The following PHACTR1 variants were observed in gnomAD, a reference collection of about 807,000 sequenced individuals.
PHACTR1 encodes RPEL repeat containing 1.
PHACTR1 carries 16 observed loss-of-function variants against 69.2 expected under a neutral mutation model. The ratio of observed to expected loss-of-function variants is 0.23; its 90% CI spans 0.16 to 0.35. The LOEUF is 0.35. Among genes scored for constraint, PHACTR1 ranks in the 10% least tolerant of loss-of-function variants. PHACTR1 has a pLI of 1.00. For synonymous variants in PHACTR1, 312 were observed against 284.5 expected (o/e 1.10, Z -0.97); for missense variants, 510 against 734.7 (o/e 0.69, Z 3.54).
chr6:13,134,972 C>T (rs1821319167), intron 5 of PHACTR1, among the ~76,000 whole-genome samples: 1 of 152,132 alleles, frequency 6.6e-6, no homozygotes, highest in Admixed American at 6.5e-5. Context: ...GGCTCTTCGC[C>T]ACTTCACCAT....
chr6:13,283,326 G>A lies in PHACTR1; in HGVS notation c.1510-96G>A. ...TATGCGATGCATCCATCGCCTCACT[G>A]AACCTTATTTTCCACACCTGCAAGT... On this transcript the variant is annotated intron_variant, in intron 12 of 14. Coordinates refer to ENST00000332995, the MANE Select transcript of PHACTR1 (RefSeq NM_030948.6). The surrounding 1 kb of genome is among the most constrained non-coding windows in gnomAD (Gnocchi z 4.7). 5 of 1,441,248 alleles carry A rather than the reference G, an allele frequency of 3.5e-6. No individual in the cohort carries two copies. The highest frequency in any genetic ancestry group is 1.8e-5 in the Admixed American group (1 of 55,478). 89.3% of individuals were successfully genotyped at this position (1,441,248 alleles called of 1,614,324 possible).
intron 4 of PHACTR1, among the ~76,000 whole-genome samples, chr6:12,810,550 T>A (rs1774903948): frequency 6.6e-6 from 1 of 152,182 alleles, no homozygotes; most frequent in Non-Finnish European, 1.5e-5. Flanking sequence ...GACCCCATCC[T>A]GAGACTCCAT....
intron 4 of PHACTR1, among the ~76,000 whole-genome samples, chr6:12,907,960 T>C (rs1298770978): frequency 6.6e-6 from 1 of 152,218 alleles, no homozygotes; most frequent in Non-Finnish European, 1.5e-5. Context: ...TATTTCACAA[T>C]ATAAAAAGAC....
chr6:12,772,782 G>A lies in PHACTR1; in HGVS notation c.250+22992G>A, dbSNP rs114314965. Among the ~76,000 whole-genome samples the A allele has an allele frequency of 9.0e-3, 1,373 of 152,256 alleles. 20 individuals are homozygous for A. Among genetic ancestry groups the A allele is most frequent in the African/African-American group, 0.031 (1,302 of 41,532 alleles). ...ACCACCCTTACCATTGCACTTAAAT[G>A]GAAAGGTCTATGTTAATTTATATTG... is the stretch of plus-strand genomic sequence containing the variant. On this transcript the variant is annotated intron_variant, in intron 4 of 14. Transcript: ENST00000332995.
intron 5 of PHACTR1, among the ~76,000 whole-genome samples, chr6:13,063,859 G>A (rs961868485): frequency 1.3e-5 from 2 of 152,082 alleles, no homozygotes; most frequent in African/African-American, 4.8e-5. Flanking sequence ...CTGAAGACAT[G>A]GACAAGAATC....
At chr6:13,130,360 T>A in intron 5 of PHACTR1, among the ~76,000 whole-genome samples, 1 of 151,430 alleles carries the variant, frequency 6.6e-6, no homozygotes. Flanking sequence ...AAAGGATAAA[T>A]GAAACAAAAA....
intron 4 of PHACTR1, among the ~76,000 whole-genome samples, chr6:12,773,431 C>G (rs1769640939): frequency 6.6e-6 from 1 of 152,150 alleles, no homozygotes; most frequent in African/African-American, 2.4e-5. Flanking sequence ...CATCTAGCCT[C>G]ACCTGATTCA....
chr6:12,950,592 T>G (rs1268877204), intron 4 of PHACTR1, among the ~76,000 whole-genome samples: 1 of 152,216 alleles, frequency 6.6e-6, no homozygotes, highest in East Asian at 1.9e-4. Flanking sequence ...CACCATTTGC[T>G]GGAGAGCTCA....
chr6:12,912,076 C>A (rs1240029581), intron 4 of PHACTR1, among the ~76,000 whole-genome samples: 1 of 151,984 alleles, frequency 6.6e-6, no homozygotes, highest in Non-Finnish European at 1.5e-5. Flanking sequence ...CGGCTCACTG[C>A]AACCTCCGCC....
chr6:13,110,593 G>C (rs1427917024), intron 5 of PHACTR1, among the ~76,000 whole-genome samples: 1 of 152,096 alleles, frequency 6.6e-6, no homozygotes, highest in African/African-American at 2.4e-5. Context: ...CAGTTACCCT[G>C]GTATCCTTGT....
chr6:12,980,043 A>G (rs1795327645), intron 4 of PHACTR1, among the ~76,000 whole-genome samples: 1 of 152,212 alleles, frequency 6.6e-6, no homozygotes, highest in Non-Finnish European at 1.5e-5. Context: ...GTACGTAGAA[A>G]TGTTCAATCT....
chr6:13,286,589 A>G (rs1253520230), intron 14 of PHACTR1, among the ~76,000 whole-genome samples: 1 of 152,254 alleles, frequency 6.6e-6, no homozygotes, highest in Non-Finnish European at 1.5e-5. Context: ...TACCACATCC[A>G]CACGGGACTT....
At chr6:12,913,881 T>C (rs1450772627) in intron 4 of PHACTR1, among the ~76,000 whole-genome samples, 2 of 152,234 alleles carry the variant, frequency 1.3e-5, no homozygotes, top group Non-Finnish European at 2.9e-5. Flanking sequence ...TTGAAGATGT[T>C]GTTTCTGGGA....
chr6:12,750,206 G>T (rs1468232093), intron 4 of PHACTR1, among the ~76,000 whole-genome samples: 2 of 152,188 alleles, frequency 1.3e-5, no homozygotes, highest in East Asian at 3.9e-4. Flanking sequence ...GGCTTTGACG[G>T]GTTGACGCCG....
At chr6:12,971,628 G>A (rs959600358) in intron 4 of PHACTR1, among the ~76,000 whole-genome samples, 18 of 152,166 alleles carry the variant, frequency 1.2e-4, no homozygotes, top group Non-Finnish European at 2.4e-4. Flanking sequence ...AAGAATGGTG[G>A]TAAATCACCA....
At chr6:13,177,451 G>A (rs1355859251) in intron 6 of PHACTR1, among the ~76,000 whole-genome samples, 1 of 146,860 alleles carries the variant, frequency 6.8e-6, no homozygotes, top group Non-Finnish European at 1.5e-5. Context: ...ATGTGTGTGT[G>A]TGTGTATATA....
intron 4 of PHACTR1, among the ~76,000 whole-genome samples, chr6:12,767,169 T>C (rs1768737805): frequency 6.6e-6 from 1 of 152,194 alleles, no homozygotes; most frequent in Non-Finnish European, 1.5e-5. Flanking sequence ...AATGCCACTG[T>C]AATACATTAA....
At chr6:13,138,500 G>C (rs1231454966) in intron 5 of PHACTR1, among the ~76,000 whole-genome samples, 1 of 152,198 alleles carries the variant, frequency 6.6e-6, no homozygotes, top group Non-Finnish European at 1.5e-5. Flanking sequence ...ATCTTCCTAG[G>C]GACATGGCTT....
At chr6:13,194,863 G>T (rs1051673165) in intron 7 of PHACTR1, among the ~76,000 whole-genome samples, 1 of 152,136 alleles carries the variant, frequency 6.6e-6, no homozygotes, top group East Asian at 1.9e-4. Context: ...TGCCAGGGTT[G>T]TGTATGTTAT....
Sources: gnomAD v4.1 joint callset for allele counts (sites outside exome capture counted in the v4.1 genomes callset) on GRCh38, gnomAD v4.1.1 for gene constraint, Gnocchi (gnomAD v3.1) non-coding constraint, MANE v1.5 for transcripts, NCBI Gene and HGNC (gene_info 2026-07-23, HGNC 2026-07-21) for gene names.